SETD2: variants seen among roughly 807,000 people sequenced by gnomAD.
The protein encoded by SETD2 is histone-lysine N-methyltransferase SETD2.
In SETD2, 31 loss-of-function variants were observed where a neutral mutation model predicts 242.1. The observed-to-expected ratio is 0.13, with a 90% CI of 0.10 to 0.17. SETD2 has a LOEUF of 0.17. SETD2 is among the 10% of genes least tolerant of loss of function. The pLI, the probability that SETD2 is intolerant of heterozygous loss-of-function variation, is 1.00. For synonymous variants in SETD2, 1,006 were observed against 1,066.5 expected (o/e 0.94, Z 1.11); for missense variants, 2,481 against 3,046.3 (o/e 0.81, Z 4.37).
intron 12 of SETD2, 25 bp from the exon 13 acceptor site, chr3:47,067,143 G>T (rs2040591353): frequency 6.3e-7 from 1 of 1,579,750 alleles, no homozygotes; most frequent in Non-Finnish European, 8.7e-7. Context: ...CCAGAGGGAG[G>T]GTTATTAGTG....
At position 47,116,709 on chromosome 3, in the gene SETD2, C is replaced by T. The variant is rs1305683949; in HGVS notation, c.4500G>A (p.Glu1500=). The T allele has an allele frequency of 1.2e-6, 2 of 1,608,710 alleles. No homozygotes were observed. The highest frequency in any genetic ancestry group is 8.5e-7 in the Non-Finnish European group (1 of 1,175,418). The change falls in exon 4 of 21, where the codon GAG becomes GAA. Residue 1500 remains glutamate, a synonymous_variant. Transcript: ENST00000409792. The part of the protein sequence containing the change: ...SHRDIKRMQC[E]CTPLSKDERA... Reference sequence around the variant, plus strand: ...TTTCATCTTTAGAAAGAGGTGTACACTCACACTGCATTCGCTTAATATCTC... The same window carrying T: ...TTTCATCTTTAGAAAGAGGTGTACATTCACACTGCATTCGCTTAATATCTC...
At chr3:47,116,180 T>C (rs1182897452) in intron 4 of SETD2, among the ~76,000 whole-genome samples, 1 of 151,060 alleles carries the variant, frequency 6.6e-6, no homozygotes, top group Non-Finnish European at 1.5e-5. Context: ...CATCTACCTA[T>C]GCTAGCATAG....
At chr3:47,115,721 T>C (rs1239143470) in intron 4 of SETD2, among the ~76,000 whole-genome samples, 1 of 152,200 alleles carries the variant, frequency 6.6e-6, no homozygotes, top group Admixed American at 6.5e-5. Context: ...GACAGCTCAC[T>C]GCAAGCTCCA....
intron 1 of SETD2, among the ~76,000 whole-genome samples, chr3:47,140,573 T>C (rs534072646): frequency 2.6e-5 from 4 of 152,092 alleles, no homozygotes; most frequent in Non-Finnish European, 5.9e-5. Context: ...ACAGAAAGAG[T>C]TGACTGGCCA....
At chr3:47,056,066 A>C (rs1159274312) in intron 15 of SETD2, among the ~76,000 whole-genome samples, 5 of 131,640 alleles carry the variant, frequency 3.8e-5, no homozygotes, top group African/African-American at 1.3e-4. Flanking sequence ...ATAATCTAAA[A>C]AAAAAAAAAA....
chr3:47,054,283 G>A (rs2039965727), intron 15 of SETD2, among the ~76,000 whole-genome samples: 1 of 152,118 alleles, frequency 6.6e-6, no homozygotes, highest in Non-Finnish European at 1.5e-5. Context: ...AAAACCAAGA[G>A]AATCTTTTTT....
chr3:47,142,708 G>C (rs1257601339), intron 1 of SETD2, among the ~76,000 whole-genome samples: 6 of 148,298 alleles, frequency 4.0e-5, no homozygotes, highest in Non-Finnish European at 5.9e-5. Context: ...TGCCCTTGTC[G>C]GCCAGGCTGG....
At chr3:47,066,615 C>T (rs980659848) in intron 13 of SETD2, among the ~76,000 whole-genome samples, 1 of 152,076 alleles carries the variant, frequency 6.6e-6, no homozygotes. Context: ...TCCCAAAGTG[C>T]TAGGATTACA....
rs372732605 is a variant in SETD2 at position 47,116,757 on chromosome 3, A to G, written c.4455-3T>C. 14 of 1,576,974 alleles carry G rather than the reference A, an allele frequency of 8.9e-6. No homozygotes were observed. Among genetic ancestry groups the G allele is most frequent in the African/African-American group, 2.7e-5 (2 of 73,672 alleles). On this transcript the variant is annotated splice_polypyrimidine_tract_variant and splice_region_variant and intron_variant, in intron 3 of 20. Coordinates refer to ENST00000409792, the MANE Select transcript of SETD2 (RefSeq NM_014159.7). ...CTCGATGAGATTTATTCTTCTTTCT[A>G]TTGGGTAAAATTTCATAAAAACTGA...
intron 3 of SETD2, among the ~76,000 whole-genome samples, chr3:47,118,551 T>A (rs2042951530): frequency 6.6e-6 from 1 of 151,368 alleles, no homozygotes; most frequent in Non-Finnish European, 1.5e-5. Context: ...GTGAAACCCA[T>A]CTCTACTAAA....
chr3:47,154,083 A>G (rs2044066150), intron 1 of SETD2, among the ~76,000 whole-genome samples: 1 of 152,170 alleles, frequency 6.6e-6, no homozygotes, highest in Admixed American at 6.5e-5. Context: ...TGGTACATCC[A>G]TACTACAGAA....
intron 18 of SETD2, among the ~76,000 whole-genome samples, chr3:47,032,908 T>C (rs527673157): frequency 1.3e-5 from 2 of 151,642 alleles, no homozygotes; most frequent in South Asian, 4.2e-4. Context: ...CTAGACTGTC[T>C]CAGAGATGAA....
At chr3:47,119,641 T>TA (rs1470031819) in intron 3 of SETD2, 81 of 332,426 alleles carry the variant, frequency 2.4e-4, no homozygotes, top group South Asian at 1.9e-3. Context: ...AAGTGCCTTT[T>TA]GCCTCCTGCC....
chr3:47,100,484 G>A (rs987690297), intron 8 of SETD2, among the ~76,000 whole-genome samples: 1 of 151,706 alleles, frequency 6.6e-6, no homozygotes, highest in African/African-American at 2.4e-5. Flanking sequence ...TCAAACTCCT[G>A]ACCTCATGAT....
At chr3:47,058,860 T>A (rs866504939) in intron 14 of SETD2, among the ~76,000 whole-genome samples, 2 of 151,650 alleles carry the variant, frequency 1.3e-5, no homozygotes, top group Non-Finnish European at 2.9e-5. Context: ...AGTGGCGCGA[T>A]CTCTGTTCAC....
intron 12 of SETD2, among the ~76,000 whole-genome samples, chr3:47,070,139 T>C (rs1476576079): frequency 2.0e-5 from 3 of 152,194 alleles, no homozygotes; most frequent in African/African-American, 7.2e-5. Flanking sequence ...AGGCCTCAAG[T>C]TGGGGACCCA....
chr3:47,043,111 T>C (rs1400297529), intron 16 of SETD2, among the ~76,000 whole-genome samples: 2 of 151,982 alleles, frequency 1.3e-5, no homozygotes, highest in African/African-American at 4.8e-5. Context: ...ATCCATTATA[T>C]TTTTTCCGTA....
At chr3:47,036,254 C>T (rs1246385236) in intron 18 of SETD2, among the ~76,000 whole-genome samples, 1 of 152,134 alleles carries the variant, frequency 6.6e-6, no homozygotes, top group East Asian at 1.9e-4. Context: ...TATCTGATTT[C>T]ATTCAAGACA....
intron 6 of SETD2, 36 bp downstream of exon 6, chr3:47,105,961 G>A (rs752858601): frequency 6.1e-5 from 96 of 1,570,978 alleles, no homozygotes; most frequent in Non-Finnish European, 7.8e-5. Flanking sequence ...AAACCTAACA[G>A]ATCTGTTTCA....
Sources: gnomAD v4.1 joint callset for allele counts (sites outside exome capture counted in the v4.1 genomes callset) on GRCh38, gnomAD v4.1.1 for gene constraint, MANE v1.5 for transcripts, NCBI Gene and HGNC (gene_info 2026-07-23, HGNC 2026-07-21) for gene names.